The following MTHFD1L variants were observed in gnomAD, a reference collection of about 807,000 sequenced individuals.
MTHFD1L encodes the protein methylenetetrahydrofolate dehydrogenase (NADP+ dependent) 1 like, also known as monofunctional C1-tetrahydrofolate synthase, mitochondrial.
In MTHFD1L, 81 loss-of-function variants were observed where a neutral mutation model predicts 119.5. That is an observed-to-expected ratio of 0.68 (90% CI 0.57 to 0.82). MTHFD1L has a LOEUF of 0.82. MTHFD1L is among the 40% of genes least tolerant of loss of function. The probability of loss-of-function intolerance (pLI) is 0.00; values close to 1 mark genes in which losing one functional copy is unlikely to be tolerated. For synonymous variants in MTHFD1L, 430 were observed against 475.2 expected (o/e 0.90, Z 1.24); for missense variants, 1,125 against 1,253.4 (o/e 0.90, Z 1.55).
chr6:151,047,184 G>T (rs1249104783), intron 26 of MTHFD1L, among the ~76,000 whole-genome samples: 6 of 152,188 alleles, frequency 3.9e-5, no homozygotes, highest in Non-Finnish European at 5.9e-5. Context: ...ATAGGAAAAA[G>T]AGTTAAGTTA....
chr6:151,003,314 C>T (rs1780884355), intron 20 of MTHFD1L, among the ~76,000 whole-genome samples: 1 of 152,106 alleles, frequency 6.6e-6, no homozygotes, highest in Non-Finnish European at 1.5e-5. Flanking sequence ...GGCGGATCAC[C>T]TGAGGTCAGA....
At chr6:150,925,763 A>C (rs1016734647) in intron 10 of MTHFD1L, among the ~76,000 whole-genome samples, 1 of 152,102 alleles carries the variant, frequency 6.6e-6, no homozygotes, top group Non-Finnish European at 1.5e-5. Context: ...ATTCATCGCT[A>C]ATGAATACCA....
At chr6:150,914,178 T>C (rs1787454091) in intron 8 of MTHFD1L, among the ~76,000 whole-genome samples, 1 of 152,076 alleles carries the variant, frequency 6.6e-6, no homozygotes, top group Non-Finnish European at 1.5e-5. Flanking sequence ...GCGCCTGTAG[T>C]CCCAGCTACT....
intron 27 of MTHFD1L, among the ~76,000 whole-genome samples, chr6:151,096,819 T>TG (rs1794930994): frequency 6.6e-6 from 1 of 152,134 alleles, no homozygotes; most frequent in South Asian, 2.1e-4. Context: ...TTCTAGCCTG[T>TG]CTCACCTCCT....
In MTHFD1L at chr6:150,877,524, A is replaced by G. The variant is rs1188694187; in HGVS notation, c.313-110A>G. ...GCAAGATTGTTTTTCTGCACCTTCC[A>G]TATTATCTTTGTAATTAGATCATCT... On this transcript the variant is annotated intron_variant, in intron 2 of 27. Coordinates refer to ENST00000367321, the MANE Select transcript of MTHFD1L (RefSeq NM_015440.5). 7 of 1,228,140 alleles carry G rather than the reference A, an allele frequency of 5.7e-6. No homozygotes were observed. The South Asian group carries it at 6.7e-5, about 12-fold the overall frequency. 76.1% of individuals were successfully genotyped at this position (1,228,140 alleles called of 1,614,324 possible). A position where few individuals can be genotyped will look rare whatever the true frequency, so the allele number is the denominator to read the frequency against.
At chr6:151,057,370 G>A (rs746717480) in intron 26 of MTHFD1L, 6 of 985,048 alleles carry the variant, frequency 6.1e-6, no homozygotes, top group Non-Finnish European at 7.2e-6. Flanking sequence ...GCCAGGTACT[G>A]TGGCTCACGT....
At chr6:150,908,025 G>A (rs1350250382) in intron 8 of MTHFD1L, among the ~76,000 whole-genome samples, 3 of 149,872 alleles carry the variant, frequency 2.0e-5, no homozygotes, top group Non-Finnish European at 4.4e-5. Flanking sequence ...AGCCTCCCAA[G>A]TAGCTAGGAT....
intron 7 of MTHFD1L, among the ~76,000 whole-genome samples, chr6:150,901,008 C>A (rs1255202428): frequency 1.0e-5 from 1 of 100,458 alleles, no homozygotes; most frequent in Non-Finnish European, 1.9e-5. Context: ...GAGTGAGACT[C>A]GTCTCAAAAA....
At chr6:151,031,404 A>C (rs1435026551) in intron 24 of MTHFD1L, among the ~76,000 whole-genome samples, 1 of 152,228 alleles carries the variant, frequency 6.6e-6, no homozygotes, top group African/African-American at 2.4e-5. Flanking sequence ...ACTCACAGTC[A>C]GGCCCCAGTG....
At chr6:150,959,306 C>A (rs1208774592) in intron 17 of MTHFD1L, 3 of 629,812 alleles carry the variant, frequency 4.8e-6, no homozygotes, top group Non-Finnish European at 2.0e-6. Context: ...CACAGCCATT[C>A]TCTCTCTGCG....
chr6:151,088,817 G>A (rs772686129), intron 26 of MTHFD1L, among the ~76,000 whole-genome samples: 8 of 152,072 alleles, frequency 5.3e-5, no homozygotes, highest in African/African-American at 1.7e-4. Flanking sequence ...TTCATGTTCC[G>A]ATCCACTGCA....
At chr6:150,923,112 G>A (rs534913451) in intron 10 of MTHFD1L, among the ~76,000 whole-genome samples, 5 of 152,280 alleles carry the variant, frequency 3.3e-5, no homozygotes, top group South Asian at 2.1e-4. Flanking sequence ...ATAAAGGACC[G>A]TCCAAACCAA....
At chr6:151,088,642 T>C (rs1196721964) in intron 26 of MTHFD1L, among the ~76,000 whole-genome samples, 1 of 148,046 alleles carries the variant, frequency 6.8e-6, no homozygotes, top group Non-Finnish European at 1.5e-5. Flanking sequence ...TTTTTTTTTT[T>C]GTATTTGTAG....
At chr6:150,957,779 T>A (rs1795853296) in intron 17 of MTHFD1L, among the ~76,000 whole-genome samples, 1 of 152,182 alleles carries the variant, frequency 6.6e-6, no homozygotes, top group Non-Finnish European at 1.5e-5. Context: ...AAAATACTGA[T>A]ATTGTAAACC....
intron 20 of MTHFD1L, among the ~76,000 whole-genome samples, chr6:150,996,080 C>G (rs998476291): frequency 9.2e-5 from 14 of 152,192 alleles, no homozygotes; most frequent in Non-Finnish European, 4.4e-5. Context: ...GAGGTTTTAT[C>G]AAATGTAGAT....
At position 150,935,392 on chromosome 6, in the gene MTHFD1L, G is replaced by T. The variant is rs908759657; in HGVS notation, c.1257-1412G>T. The T allele has an allele frequency of 1.9e-6, 3 of 1,613,794 alleles. No individual in the cohort carries two copies. In the African/African-American group the frequency reaches 4.0e-5, roughly 22 times the overall value. ...ACAAACAAGACTTGAGGAACTCATT[G>T]TCTCTTTCAGAAATTGAGAAATTGT... On this transcript the variant is annotated intron_variant, in intron 11 of 27. Coordinates refer to ENST00000367321, the MANE Select transcript of MTHFD1L (RefSeq NM_015440.5).
chr6:150,875,951 C>A, intron 1 of MTHFD1L, 139 bp from the exon 2 acceptor site: 1 of 668,468 alleles, frequency 1.5e-6, no homozygotes. Flanking sequence ...ACCCCCTCCA[C>A]AGTGTACACT....
rs1249360086 is a variant in MTHFD1L, at chr6:150,967,047, G to A, written c.2013+2010G>A. ...TTCCTCTCCCCTGATCATTCTGCCA[G>A]CATGCACGTATCCTCAGAGGTAGGC... On this transcript the variant is annotated intron_variant, in intron 19 of 27. Transcript: ENST00000367321. 4.6e-5 allele frequency among the ~76,000 whole-genome samples: 7 copies of A among 152,284 alleles called. No homozygotes were observed. In the South Asian group the frequency reaches 6.2e-4, roughly 14 times the overall value.
intron 7 of MTHFD1L, among the ~76,000 whole-genome samples, chr6:150,903,203 A>ATTTTTTTTTTTT: frequency 1.2e-5 from 1 of 85,472 alleles, no homozygotes; most frequent in African/African-American, 5.0e-5. Context: ...TGGCTGCAAA[A>ATTTTTTTTTTTT]TTTTTTTTTT....
Sources: allele counts gnomAD v4.1 joint callset (sites outside exome capture counted in the v4.1 genomes callset), GRCh38; gene constraint gnomAD v4.1.1; transcripts MANE v1.5; gene names NCBI Gene and HGNC (gene_info 2026-07-23, HGNC 2026-07-21).